PRICKLE2: variants seen among roughly 807,000 people sequenced by gnomAD.
The protein encoded by PRICKLE2 is prickle-like protein 2.
Under a neutral mutation model 81.4 loss-of-function variants are expected in PRICKLE2, and 21 were observed. The ratio of observed to expected loss-of-function variants is 0.26; its 90% CI spans 0.18 to 0.37. PRICKLE2 has a LOEUF of 0.37. Ranked by LOEUF, PRICKLE2 falls within the 10% of genes least tolerant of loss-of-function variation. PRICKLE2 has a pLI of 1.00. For synonymous variants in PRICKLE2, 456 were observed against 421.5 expected (o/e 1.08, Z -1.00); for missense variants, 940 against 1,109.0 (o/e 0.85, Z 2.16).
intron 1 of PRICKLE2, among the ~76,000 whole-genome samples, chr3:64,221,663 C>T (rs2078956864): frequency 6.6e-6 from 1 of 152,084 alleles, no homozygotes; most frequent in South Asian, 2.1e-4. Context: ...AGGGAATGAA[C>T]AGAGAAAGGT....
chr3:64,184,777 C>T (rs748409492), intron 2 of PRICKLE2, among the ~76,000 whole-genome samples: 22 of 152,198 alleles, frequency 1.4e-4, no homozygotes, highest in Non-Finnish European at 2.6e-4. Context: ...GTCACTGTTC[C>T]AGGCCAGAAG....
chr3:64,210,791 T>G (rs9853772), intron 1 of PRICKLE2, among the ~76,000 whole-genome samples: 21,882 of 152,214 alleles, frequency 0.14, 1,635 homozygotes, highest in East Asian at 0.22. Context: ...TAAAGATCTC[T>G]TACTGTATTT....
At chr3:64,150,677 T>G (rs941153115) in intron 6 of PRICKLE2, among the ~76,000 whole-genome samples, 2 of 152,134 alleles carry the variant, frequency 1.3e-5, no homozygotes, top group Admixed American at 6.5e-5. Flanking sequence ...CACTCCCTGT[T>G]AGAGGTACAC....
intron 5 of PRICKLE2, among the ~76,000 whole-genome samples, chr3:64,155,615 G>A (rs2077622586): frequency 6.6e-6 from 1 of 152,038 alleles, no homozygotes; most frequent in South Asian, 2.1e-4. Flanking sequence ...GCCAAAAAGT[G>A]GAAACAACTT....
intron 2 of PRICKLE2, among the ~76,000 whole-genome samples, chr3:64,233,567 C>T (rs2079136267): frequency 6.6e-6 from 1 of 152,162 alleles, no homozygotes; most frequent in Non-Finnish European, 1.5e-5. Context: ...TATTTCAAGT[C>T]TAATGTCACC....
intron 6 of PRICKLE2, among the ~76,000 whole-genome samples, chr3:64,151,660 A>C (rs1411496237): frequency 1.3e-5 from 2 of 152,180 alleles, no homozygotes; most frequent in Non-Finnish European, 2.9e-5. Context: ...GCAGACTTGA[A>C]TCCTCGGTTG....
chr3:64,126,828 G>A (rs1243366284), intron 7 of PRICKLE2, among the ~76,000 whole-genome samples: 1 of 151,910 alleles, frequency 6.6e-6, no homozygotes, highest in Non-Finnish European at 1.5e-5. Flanking sequence ...TGCCCGCCTC[G>A]GCCTCCCAAA....
At chr3:64,215,639 C>T (rs1166510840) in intron 1 of PRICKLE2, among the ~76,000 whole-genome samples, 1 of 152,056 alleles carries the variant, frequency 6.6e-6, no homozygotes, top group African/African-American at 2.4e-5. Context: ...TATATTGCTA[C>T]AATGATGTCA....
chr3:64,242,312 A>G (rs2079278639), intron 2 of PRICKLE2, among the ~76,000 whole-genome samples: 1 of 152,204 alleles, frequency 6.6e-6, no homozygotes, highest in African/African-American at 2.4e-5. Context: ...ACATTTCATG[A>G]ACTAAGCGCA....
chr3:64,167,963 G>T (rs2077863481), intron 2 of PRICKLE2, among the ~76,000 whole-genome samples: 1 of 152,104 alleles, frequency 6.6e-6, no homozygotes, highest in African/African-American at 2.4e-5. Context: ...TTATGCAGTT[G>T]CCAGGCAAAT....
At chr3:64,112,457 T>C (rs563705699) in intron 7 of PRICKLE2, among the ~76,000 whole-genome samples, 5 of 152,264 alleles carry the variant, frequency 3.3e-5, no homozygotes, top group Admixed American at 1.3e-4. Flanking sequence ...AATTACTAGA[T>C]TGGCTGACAG....
intron 2 of PRICKLE2, among the ~76,000 whole-genome samples, chr3:64,194,930 C>A (rs552800674): frequency 6.6e-6 from 1 of 152,174 alleles, no homozygotes; most frequent in East Asian, 1.9e-4. Flanking sequence ...GCAGTCCCAG[C>A]TACTTAGGAC....
chr3:64,178,987 CTTTCTTTCTTTCTTTCTTTCTTT>C lies in PRICKLE2; in HGVS notation c.145-15881_145-15859del, dbSNP rs1316000090. On this transcript the variant is annotated intron_variant, in intron 2 of 7. Coordinates refer to ENST00000638394, the MANE Select transcript of PRICKLE2 (RefSeq NM_198859.4). ...ATTTTCTTTCTTTCTTTCTTTCTTTCTTTCTTTCTTTCTTTCTTTCTTTCTTTCTTTCTTTCTTTCTTTCTTTC... is the reference window on the plus strand; with the variant it reads ...ATTTTCTTTCTTTCTTTCTTTCTTTCCTTTCTTTCTTTCTTTCTTTCTTTC... 6.3e-4 allele frequency among the ~76,000 whole-genome samples: 90 copies of C among 142,586 alleles called. 1 individual carries two copies. Among genetic ancestry groups the C allele is most frequent in the African/African-American group, 2.2e-3 (81 of 37,366 alleles). 93.5% of individuals were successfully genotyped at this position (142,586 alleles called of 152,430 possible). A position where few individuals can be genotyped will look rare whatever the true frequency, so the allele number is the denominator to read the frequency against.
chr3:64,187,066 G>A (rs929505244), intron 2 of PRICKLE2, among the ~76,000 whole-genome samples: 1 of 152,180 alleles, frequency 6.6e-6, no homozygotes, highest in African/African-American at 2.4e-5. Flanking sequence ...ATTTGCAAAT[G>A]AGCCTTGGCC....
intron 7 of PRICKLE2, among the ~76,000 whole-genome samples, chr3:64,137,055 G>C (rs574807391): frequency 6.6e-6 from 1 of 152,158 alleles, no homozygotes; most frequent in African/African-American, 2.4e-5. Context: ...GAACTAATAC[G>C]TAGGGAAGAA....
intron 4 of PRICKLE2, among the ~76,000 whole-genome samples, chr3:64,158,928 T>A (rs969458509): frequency 2.6e-5 from 4 of 152,182 alleles, no homozygotes; most frequent in African/African-American, 9.6e-5. Flanking sequence ...AGTTAACATA[T>A]CTTCAGCTCT....
At position 64,118,266 on chromosome 3, in the gene PRICKLE2, A is replaced by T. The variant is rs962573235; in HGVS notation, c.1661-18341T>A. 1.3e-5 allele frequency among the ~76,000 whole-genome samples: 2 copies of T among 152,244 alleles called. 1 individual carries two copies. The highest frequency in any genetic ancestry group is 1.3e-4 in the Admixed American group (2 of 15,280). On this transcript the variant is annotated intron_variant, in intron 7 of 7. Coordinates refer to ENST00000638394, the MANE Select transcript of PRICKLE2 (RefSeq NM_198859.4). The stretch of plus-strand genomic sequence containing the variant: ...CCTTGAAGAAAACCTAGGCAATATC[A>T]TTCAGGACATGGGCACGGGCAAAGA...
At chr3:64,100,125 C>A (rs1005594639) in intron 7 of PRICKLE2, 200 bp from the exon 8 acceptor site, 18 of 595,262 alleles carry the variant, frequency 3.0e-5, no homozygotes, top group Non-Finnish European at 5.0e-5. Context: ...CTAGAGGGGG[C>A]ACTTACTTAA....
At chr3:64,227,819 C>T (rs565128844), upstream of PRICKLE2, among the ~76,000 whole-genome samples, 1 of 152,150 alleles carries the variant, frequency 6.6e-6, no homozygotes, top group African/African-American at 2.4e-5. Context: ...TTAATAGAAA[C>T]AATCATGCTT....
Sources: gnomAD v4.1 joint callset for allele counts (sites outside exome capture counted in the v4.1 genomes callset) on GRCh38, gnomAD v4.1.1 for gene constraint, MANE v1.5 for transcripts, NCBI Gene and HGNC (gene_info 2026-07-23, HGNC 2026-07-21) for gene names.